Variants in ZNF184 observed in about 807,000 individuals in gnomAD.
ZNF184 encodes zinc finger protein 184 (Kruppel-like).
A neutral mutation model predicts 54.4 loss-of-function variants in ZNF184; 16 were observed. That is an observed-to-expected ratio of 0.29 (90% confidence interval 0.20 to 0.45). The LOEUF is 0.45. Among genes scored for constraint, ZNF184 ranks in the 20% least tolerant of loss-of-function variants. The pLI is 1.00. For missense variants in ZNF184, 681 were observed against 888.2 expected (o/e 0.77, Z 2.97); for synonymous variants, 254 against 295.3 (o/e 0.86, Z 1.43).
At chr6:27,467,775 T>C (rs747299271) in intron 3 of ZNF184, 78 bp downstream of exon 3, 14 of 1,385,234 alleles carry the variant, frequency 1.0e-5, no homozygotes, top group Non-Finnish European at 1.2e-5. Flanking sequence ...TTTGGATAAA[T>C]AGAAAAAACA....
chr6:27,431,345 T>C, the ZNF184 span, among the ~76,000 whole-genome samples: 1 of 152,170 alleles, frequency 6.6e-6, no homozygotes, highest in African/African-American at 2.4e-5. Flanking sequence ...TGTGAGGTCA[T>C]TCATGTTGGT....
chr6:27,472,591 C>G lies in ZNF184; in HGVS notation c.-140+138G>C. On this transcript the variant is annotated intron_variant, in intron 1 of 5. Transcript: ENST00000683788. This position sits in a 1 kb window ranked among gnomAD's most constrained non-coding sequence, Gnocchi z 4.8. The stretch of plus-strand genomic sequence containing the variant: ...AACAAAACAGAGTGGAGATCGGGTA[C>G]GCGGGTTCTGCTTCAGATCCAAAAA... 2.5e-6 allele frequency: 1 copy of G among 392,988 alleles called. No homozygotes were observed. Among genetic ancestry groups the G allele is most frequent in the South Asian group, 3.6e-5 (1 of 27,732 alleles). The allele number at this position is 392,988 out of a possible 1,614,324, so 24.3% of individuals were successfully genotyped here.
chr6:27,461,212 C>T (rs10946920), intron 3 of ZNF184, among the ~76,000 whole-genome samples: 91,756 of 151,980 alleles, frequency 0.6, 27,792 homozygotes, highest in Middle Eastern at 0.75. Flanking sequence ...GGTAGACATT[C>T]TTCATGTTTC....
Position 27,457,385 on chromosome 6 carries a change from T to C in ZNF184, c.100A>G (p.Ile34Val), listed in dbSNP as rs1762884190. The change falls in exon 4 of 6, where the codon ATA (isoleucine) becomes GTA (valine). Residue 34 changes from isoleucine (I) to valine (V), a missense_variant. Transcript: ENST00000683788. ...CATTCTTCCTGGGTAAAGTCCACTA[T>C]CACATCCTTGAAAGTCACCGCTTCC... ...FQEAVTFKDV[I>V]VDFTQEEWKQ... The C allele has an allele frequency of 6.2e-7, 1 of 1,613,858 alleles. No homozygotes were observed. Among genetic ancestry groups the C allele is most frequent in the South Asian group, 1.1e-5 (1 of 91,068 alleles).
chr6:27,460,099 C>T (rs569672039), intron 3 of ZNF184, among the ~76,000 whole-genome samples: 1 of 152,236 alleles, frequency 6.6e-6, no homozygotes, highest in South Asian at 2.1e-4. Context: ...CCCAGAAGTT[C>T]GAGGTTGCAG....
intron 3 of ZNF184, among the ~76,000 whole-genome samples, chr6:27,457,800 G>C (rs1044550742): frequency 2.0e-5 from 3 of 152,044 alleles, no homozygotes; most frequent in African/African-American, 7.2e-5. Context: ...TTTTGAAAAA[G>C]AGAGGTGGAA....
At chr6:27,412,132 T>C in the ZNF184 span, among the ~76,000 whole-genome samples, 1 of 152,040 alleles carries the variant, frequency 6.6e-6, no homozygotes, top group Non-Finnish European at 1.5e-5. Flanking sequence ...GGGTGTTGGG[T>C]GGGGCGGTAT....
At chr6:27,436,971 T>C in the ZNF184 span, among the ~76,000 whole-genome samples, 3 of 152,272 alleles carry the variant, frequency 2.0e-5, no homozygotes, top group African/African-American at 4.8e-5. Context: ...GAGAAGATCA[T>C]AGTTTTCACA....
intron 4 of ZNF184, 84 bp downstream of exon 4, chr6:27,457,199 A>G: frequency 6.6e-7 from 1 of 1,520,398 alleles, no homozygotes; most frequent in Non-Finnish European, 8.8e-7. Context: ...TGGTTACTAA[A>G]CTTAAAGGCA....
In ZNF184 at chr6:27,473,088, A is replaced by G. The variant is rs1168651254; in HGVS notation, c.-499T>C. On this transcript the variant is annotated 5_prime_UTR_variant, in exon 1 of 6. Transcript: ENST00000683788. ...AAGCAACTGGACTTCCAGCGCGCCA[A>G]CCTCTTTCCACGCCTACAACCGGCT... The G allele has an allele frequency of 6.6e-6, 1 of 151,796 alleles. No individual in the cohort carries two copies. The highest frequency in any genetic ancestry group is 1.5e-5 in the Non-Finnish European group (1 of 68,030). 9.4% of individuals were successfully genotyped at this position (151,796 alleles called of 1,614,324 possible).
downstream of ZNF184, among the ~76,000 whole-genome samples, chr6:27,448,871 C>T (rs1443751127): frequency 6.6e-6 from 1 of 152,180 alleles, no homozygotes; most frequent in African/African-American, 2.4e-5. Flanking sequence ...CTTGCCCAAG[C>T]CCTTCACCCT....
chr6:27,419,532 A>AGAT, the ZNF184 span, among the ~76,000 whole-genome samples: 3 of 28,124 alleles, frequency 1.1e-4, no homozygotes, highest in African/African-American at 3.3e-4. The surrounding 1 kb of genome is among the most constrained non-coding windows in gnomAD (Gnocchi z 4.8). Flanking sequence ...ATATTCAGAT[A>AGAT]GATAGATAGA....
the ZNF184 span, among the ~76,000 whole-genome samples, chr6:27,437,586 C>T: frequency 9.9e-5 from 15 of 152,202 alleles, no homozygotes; most frequent in Non-Finnish European, 1.5e-5. Flanking sequence ...AGACTTCTGA[C>T]CTACAGAACT....
At chr6:27,444,364 T>C in the ZNF184 span, among the ~76,000 whole-genome samples, 2 of 152,146 alleles carry the variant, frequency 1.3e-5, no homozygotes, top group South Asian at 2.1e-4. Context: ...GCTCATCTTA[T>C]CTTGCTTCCT....
chr6:27,422,148 A>AAAAAAAGAAAGAAAGAAAG, the ZNF184 span, among the ~76,000 whole-genome samples: 154 of 43,378 alleles, frequency 3.6e-3, no homozygotes, highest in Middle Eastern at 0.022. Context: ...CTCAAAAAAA[A>AAAAAAAGAAAGAAAGAAAG]AAAGAAAGAA....
At chr6:27,441,371 G>A in the ZNF184 span, among the ~76,000 whole-genome samples, 4 of 152,058 alleles carry the variant, frequency 2.6e-5, no homozygotes, top group East Asian at 5.8e-4. Context: ...CTATCACCAC[G>A]CCTGGCTAAT....
chr6:27,464,615 A>G (rs1763076706), intron 3 of ZNF184, among the ~76,000 whole-genome samples: 1 of 152,216 alleles, frequency 6.6e-6, no homozygotes, highest in African/African-American at 2.4e-5. Context: ...AGACTTATCC[A>G]TATCAAAAGT....
chr6:27,466,632 T>C (rs1763146071), intron 3 of ZNF184, among the ~76,000 whole-genome samples: 1 of 151,832 alleles, frequency 6.6e-6, no homozygotes, highest in African/African-American at 2.4e-5. Flanking sequence ...TCAAATTATA[T>C]ATTTTTAAAT....
chr6:27,422,098 G>A, the ZNF184 span, among the ~76,000 whole-genome samples: 33 of 138,454 alleles, frequency 2.4e-4, no homozygotes, highest in Non-Finnish European at 4.1e-4. Flanking sequence ...CCATGGCTGT[G>A]GCACTACACC....
Sources: allele counts gnomAD v4.1 joint callset (sites outside exome capture counted in the v4.1 genomes callset), GRCh38; gene constraint gnomAD v4.1.1; non-coding constraint Gnocchi (gnomAD v3.1); transcripts MANE v1.5; gene names NCBI Gene and HGNC (gene_info 2026-07-23, HGNC 2026-07-21).